PKHD1: variants seen among roughly 807,000 people sequenced by gnomAD.
PKHD1 encodes PKHD1 ciliary IPT domain containing fibrocystin/polyductin.
A neutral mutation model predicts 412.0 loss-of-function variants in PKHD1; 291 were observed. The ratio of observed to expected loss-of-function variants is 0.71; its 90% CI spans 0.64 to 0.78. PKHD1 has a LOEUF of 0.78. Among genes scored for constraint, PKHD1 ranks in the 30% least tolerant of loss-of-function variants. PKHD1 has a pLI of 0.00. For missense variants in PKHD1, 4,825 were observed against 4,950.7 expected (o/e 0.97, Z 0.76); for synonymous variants, 1,777 against 1,821.5 (o/e 0.98, Z 0.62).
At chr6:51,856,528 A>G (rs1159719648) in intron 48 of PKHD1, among the ~76,000 whole-genome samples, 3 of 152,234 alleles carry the variant, frequency 2.0e-5, no homozygotes, top group Non-Finnish European at 2.9e-5. Context: ...GACCAGATTT[A>G]TCAACAGCAA....
intron 29 of PKHD1, among the ~76,000 whole-genome samples, chr6:52,029,682 C>A (rs1352508230): frequency 6.6e-6 from 1 of 152,182 alleles, no homozygotes; most frequent in East Asian, 1.9e-4. Context: ...ATAGCAATTT[C>A]TCACTTAATC....
intron 34 of PKHD1, among the ~76,000 whole-genome samples, chr6:52,014,744 GGA>G (rs1455112180): frequency 2.5e-4 from 37 of 147,030 alleles, no homozygotes; most frequent in Admixed American, 6.8e-4. Flanking sequence ...ATGGATGGAT[GGA>G]TGGATGGATG....
chr6:51,719,320 C>G (rs1292514428), intron 60 of PKHD1, among the ~76,000 whole-genome samples: 2 of 152,112 alleles, frequency 1.3e-5, no homozygotes, highest in Non-Finnish European at 1.5e-5. Context: ...GCAATCCTCT[C>G]ACCTCAGGTA....
intron 60 of PKHD1, among the ~76,000 whole-genome samples, chr6:51,695,289 T>C (rs931481862): frequency 6.6e-6 from 1 of 152,182 alleles, no homozygotes; most frequent in Non-Finnish European, 1.5e-5. Flanking sequence ...TATCTTGTTA[T>C]TCTCAAGTAT....
chr6:51,635,858 T>TGGGGG (rs1189431938), intron 64 of PKHD1, among the ~76,000 whole-genome samples: 12 of 16,358 alleles, frequency 7.3e-4, no homozygotes, highest in Non-Finnish European at 9.8e-4. Context: ...GTGGTGAAGG[T>TGGGGG]GGGGGGGGGC....
chr6:52,031,889 G>A (rs1439683560), intron 29 of PKHD1, among the ~76,000 whole-genome samples: 1 of 152,150 alleles, frequency 6.6e-6, no homozygotes, highest in Non-Finnish European at 1.5e-5. Flanking sequence ...ATAACTTTTG[G>A]AGCACTTGGT....
chr6:51,870,499 A>G lies in PKHD1; in HGVS notation c.7486+5T>C. 6.2e-7 allele frequency: 1 copy of G among 1,609,496 alleles called. No homozygotes were observed. Among genetic ancestry groups the G allele is most frequent in the Non-Finnish European group, 8.5e-7 (1 of 1,175,920 alleles). ...ATCATCTGTTCTGTCTATTCAAATA[A>G]TTACCTTGTCCTTGGGAACAGTCTG... On this transcript the variant is annotated splice_donor_5th_base_variant and intron_variant, in intron 47 of 66. Coordinates refer to ENST00000371117, the MANE Select transcript of PKHD1 (RefSeq NM_138694.4).
chr6:52,079,831 T>C, intron 5 of PKHD1, 69 bp downstream of exon 5: 5 of 877,752 alleles, frequency 5.7e-6, no homozygotes, highest in Non-Finnish European at 7.9e-6. Context: ...CATTTACAAT[T>C]TGCCTTTCAA....
At chr6:51,899,918 T>C (rs1054973950) in intron 43 of PKHD1, among the ~76,000 whole-genome samples, 16 of 152,050 alleles carry the variant, frequency 1.1e-4, no homozygotes, top group African/African-American at 3.6e-4. Context: ...CCATTCACAA[T>C]TGCTTCAAAG....
At chr6:51,792,025 GTTA>G in intron 52 of PKHD1, among the ~76,000 whole-genome samples, 1 of 152,258 alleles carries the variant, frequency 6.6e-6, no homozygotes, top group South Asian at 2.1e-4. Context: ...AACGCTTGAT[GTTA>G]TTATTTTTAC....
intron 37 of PKHD1, among the ~76,000 whole-genome samples, chr6:51,919,815 G>A (rs1784413658): frequency 6.6e-6 from 1 of 152,086 alleles, no homozygotes; most frequent in Non-Finnish European, 1.5e-5. Context: ...TGAGCAGTGG[G>A]GTTTGTAGTT....
rs999733683 is a variant in PKHD1 at position 51,771,384 on chromosome 6, G to A, written c.8642+1318C>T. Among the ~76,000 whole-genome samples the A allele has an allele frequency of 2.6e-5, 4 of 152,096 alleles. No individual in the cohort carries two copies. In the East Asian group the frequency reaches 7.7e-4, roughly 29 times the overall value. The stretch of plus-strand genomic sequence containing the variant: ...TGCCTGTAATCCCAGGCCTTTGGGA[G>A]GCCAAGACGGGTGGATCACCTGAGG... On this transcript the variant is annotated intron_variant, in intron 55 of 66. Coordinates refer to ENST00000371117, the MANE Select transcript of PKHD1 (RefSeq NM_138694.4).
chr6:51,826,688 C>A (rs756612758), intron 52 of PKHD1, among the ~76,000 whole-genome samples: 3 of 152,206 alleles, frequency 2.0e-5, no homozygotes, highest in African/African-American at 7.2e-5. Context: ...TTATCACGAA[C>A]TTAAACTACA....
At chr6:51,714,446 A>G (rs1366640449) in intron 60 of PKHD1, among the ~76,000 whole-genome samples, 1 of 152,118 alleles carries the variant, frequency 6.6e-6, no homozygotes, top group Non-Finnish European at 1.5e-5. Context: ...CCTTTCTTAC[A>G]TACCATGGAA....
intron 35 of PKHD1, among the ~76,000 whole-genome samples, chr6:51,967,638 T>TTG (rs111737273): frequency 4.1e-4 from 56 of 136,916 alleles, no homozygotes; most frequent in African/African-American, 1.2e-3. Flanking sequence ...GTGTGGGAAG[T>TTG]TGTGTGTGTG....
chr6:51,827,270 A>G (rs888793865), intron 52 of PKHD1, among the ~76,000 whole-genome samples: 6 of 152,178 alleles, frequency 3.9e-5, no homozygotes, highest in Non-Finnish European at 7.3e-5. Flanking sequence ...CCAGATGGAA[A>G]AATGAAGGAA....
chr6:51,920,196 T>A (rs1271143147), intron 37 of PKHD1, among the ~76,000 whole-genome samples: 1 of 152,262 alleles, frequency 6.6e-6, no homozygotes, highest in Non-Finnish European at 1.5e-5. Context: ...GGCATCCCTG[T>A]CTTGTGCCAG....
At chr6:51,990,256 T>C (rs909736151) in intron 35 of PKHD1, among the ~76,000 whole-genome samples, 2 of 152,090 alleles carry the variant, frequency 1.3e-5, no homozygotes, top group African/African-American at 4.8e-5. Context: ...AATCGTAGCC[T>C]GACACGAGCT....
At chr6:51,803,238 A>C (rs879813817) in intron 52 of PKHD1, among the ~76,000 whole-genome samples, 2 of 151,502 alleles carry the variant, frequency 1.3e-5, no homozygotes, top group Non-Finnish European at 2.9e-5. Context: ...GAAAGTCCCC[A>C]AAAATTAACT....
Sources: allele counts gnomAD v4.1 joint callset (sites outside exome capture counted in the v4.1 genomes callset), GRCh38; gene constraint gnomAD v4.1.1; transcripts MANE v1.5; gene names NCBI Gene and HGNC (gene_info 2026-07-23, HGNC 2026-07-21).